The following GON4L variants were observed in gnomAD, a reference collection of about 807,000 sequenced individuals.
The protein encoded by GON4L is GON-4-like protein.
A neutral mutation model predicts 211.8 loss-of-function variants in GON4L; 87 were observed. The observed-to-expected ratio is 0.41, with a 90% CI of 0.35 to 0.49. The LOEUF (loss-of-function observed/expected upper bound fraction) is 0.49. GON4L is among the 20% of genes least tolerant of loss of function. The probability of loss-of-function intolerance (pLI) is 0.15; values close to 1 mark genes in which losing one functional copy is unlikely to be tolerated. For synonymous variants in GON4L, 875 were observed against 962.6 expected, an observed-to-expected ratio of 0.91 and a Z score of 1.68; for missense variants, 2,155 against 2,659.5, an observed-to-expected ratio of 0.81 and a Z score of 4.17.
intron 12 of GON4L, among the ~76,000 whole-genome samples, chr1:155,794,146 A>G (rs1367411337): frequency 4.0e-5 from 6 of 151,360 alleles, no homozygotes; most frequent in African/African-American, 1.5e-4. Flanking sequence ...ATCTCGGCTC[A>G]CTGCAACCTC....
chr1:155,747,107 C>CG, downstream of GON4L: 1 of 1,605,760 alleles, frequency 6.2e-7, no homozygotes. Flanking sequence ...AACTAAATGT[C>CG]GATTTTTCTG....
chr1:155,770,906 C>T (rs1049882253), intron 19 of GON4L, among the ~76,000 whole-genome samples, 161 bp downstream of exon 19: 13 of 151,968 alleles, frequency 8.6e-5, no homozygotes, highest in African/African-American at 3.1e-4. Flanking sequence ...ATACTGCCAG[C>T]GGAATATTGC....
chr1:155,777,191 T>C (rs1156761001), intron 15 of GON4L, among the ~76,000 whole-genome samples: 1 of 152,228 alleles, frequency 6.6e-6, no homozygotes, highest in Admixed American at 6.5e-5. Flanking sequence ...CTCCTAATGA[T>C]GTGAAGATAC....
intron 3 of GON4L, 37 bp downstream of exon 3, chr1:155,826,800 G>A: frequency 1.5e-6 from 2 of 1,303,582 alleles, no homozygotes; most frequent in Non-Finnish European, 2.2e-6. Flanking sequence ...CTTCAATAAA[G>A]AGGTTTCATT....
rs34350174 is a variant in GON4L at position 155,752,065 on chromosome 1, G to C, written c.6368C>G (p.Ala2123Gly). Residue 2123 changes from alanine (A) to glycine (G), a missense_variant, in exon 30 of 32, where the codon GCC (alanine) becomes GGC (glycine). By Grantham distance (60) the Ala-to-Gly change is moderately conservative (BLOSUM62 0). This residue lies in a region of GON4L where 186 missense variants were observed against 308.1 expected (regional missense o/e 0.60). Coordinates refer to ENST00000368331, the MANE Select transcript of GON4L (RefSeq NM_001282860.2). ...CTGCTGCTCCCCCTCTGGACCCTTG[G>C]CCTGTGTTCCACTGTCTTTAGCCAA... ...GGLAKDSGTQ[A>G]KGPEGEQQPK... The C allele has an allele frequency of 3.8e-5, 61 of 1,613,586 alleles. No individual in the cohort carries two copies. The highest frequency in any genetic ancestry group is 3.1e-4 in the East Asian group (14 of 44,874).
chr1:155,819,523 T>G (rs1386115820), intron 6 of GON4L, among the ~76,000 whole-genome samples: 1 of 152,098 alleles, frequency 6.6e-6, no homozygotes, highest in Non-Finnish European at 1.5e-5. Context: ...CCCAAAGTGC[T>G]GGGATTACAG....
At chr1:155,796,755 G>C (rs1436463467) in intron 11 of GON4L, among the ~76,000 whole-genome samples, 2 of 151,736 alleles carry the variant, frequency 1.3e-5, no homozygotes, top group African/African-American at 4.8e-5. Flanking sequence ...TACATGTATT[G>C]TATTGTATCA....
intron 10 of GON4L, among the ~76,000 whole-genome samples, chr1:155,809,595 T>A (rs1428773778): frequency 1.5e-5 from 2 of 131,018 alleles, no homozygotes; most frequent in African/African-American, 5.7e-5. Flanking sequence ...TATACTTATA[T>A]ATACTTATAA....
At chr1:155,756,828 C>T (rs1253556828) in intron 27 of GON4L, 130 bp downstream of exon 27, 5 of 676,382 alleles carry the variant, frequency 7.4e-6, no homozygotes, top group Non-Finnish European at 1.0e-5. Flanking sequence ...ACTTGAGAGG[C>T]TGAGGTGGGA....
chr1:155,773,691 T>G (rs1391702599), intron 17 of GON4L, among the ~76,000 whole-genome samples: 2 of 152,188 alleles, frequency 1.3e-5, no homozygotes, highest in Admixed American at 6.5e-5. Context: ...CTCCTGAGGC[T>G]GGGAACAAAA....
chr1:155,776,993 G>GAGGGTT (rs1663883604), intron 15 of GON4L, among the ~76,000 whole-genome samples: 1 of 152,184 alleles, frequency 6.6e-6, no homozygotes, highest in African/African-American at 2.4e-5. Context: ...ACCAGAGGAA[G>GAGGGTT]CTTAACCTCA....
chr1:155,753,453 G>C (rs1214126213), intron 28 of GON4L, 39 bp from the exon 29 acceptor site: 6 of 1,495,666 alleles, frequency 4.0e-6, no homozygotes, highest in Non-Finnish European at 4.6e-6. Flanking sequence ...TGTTCTGACT[G>C]CCTATGTCTT....
intron 29 of GON4L, 91 bp from the exon 30 acceptor site, chr1:155,752,681 A>C: frequency 6.5e-7 from 1 of 1,539,840 alleles, no homozygotes; most frequent in East Asian, 2.4e-5. Flanking sequence ...CTGTGCAAAA[A>C]TTCTAATAAA....
At chr1:155,857,887 A>G (rs1303192443), upstream of GON4L, among the ~76,000 whole-genome samples, 1 of 152,176 alleles carries the variant, frequency 6.6e-6, no homozygotes, top group Non-Finnish European at 1.5e-5. Context: ...GACTCAGGCT[A>G]TAGTAATTAT....
chr1:155,773,520 A>G, intron 17 of GON4L: 1 of 310,190 alleles, frequency 3.2e-6, no homozygotes. Flanking sequence ...ATGCTCAAAA[A>G]TGTTTTACCT....
intron 10 of GON4L, among the ~76,000 whole-genome samples, chr1:155,811,432 T>C (rs1571830414): frequency 8.4e-6 from 1 of 118,344 alleles, no homozygotes; most frequent in Non-Finnish European, 1.8e-5. Context: ...GAATAATCAA[T>C]GGATGCTAAT....
At chr1:155,814,607 G>A (rs189309647) in intron 8 of GON4L, among the ~76,000 whole-genome samples, 158 bp from the exon 9 acceptor site, 161 of 151,552 alleles carry the variant, frequency 1.1e-3, no homozygotes, top group Non-Finnish European at 1.6e-3. Context: ...TAAGCCAGGC[G>A]CGGTGGCGTG....
intron 1 of GON4L, among the ~76,000 whole-genome samples, chr1:155,855,875 G>A (rs1426536912): frequency 6.6e-6 from 1 of 151,058 alleles, no homozygotes; most frequent in East Asian, 1.9e-4. Context: ...CCAGCTTCTT[G>A]GGAGGCTGAG....
chr1:155,793,972 CCA>C (rs1665847591), intron 12 of GON4L, among the ~76,000 whole-genome samples: 1 of 152,064 alleles, frequency 6.6e-6, no homozygotes, highest in African/African-American at 2.4e-5. Flanking sequence ...TTCCATACCT[CCA>C]GTCTTGTTCA....
Sources: gnomAD v4.1 joint callset for allele counts (sites outside exome capture counted in the v4.1 genomes callset) on GRCh38, gnomAD v4.1.1 for gene constraint, gnomAD v4.1.1 regional missense constraint, MANE v1.5 for transcripts, NCBI Gene and HGNC (gene_info 2026-07-23, HGNC 2026-07-21) for gene names.